Variants in APOL6 observed in about 807,000 individuals in gnomAD.
APOL6 encodes apolipoprotein L6.
APOL6 carries 1 observed loss-of-function variant against 2.4 expected under a neutral mutation model. The ratio of observed to expected loss-of-function variants is 0.41; its 90% CI spans 0.15 to 1.94. The LOEUF (loss-of-function observed/expected upper bound fraction) is 1.94, where lower values mean the gene tolerates loss of function less well. Among genes scored for constraint, APOL6 ranks in the 30% most tolerant of loss-of-function variants. APOL6 has a pLI of 0.30. For missense variants in APOL6, 438 were observed against 429.2 expected (o/e 1.02, Z -0.18); for synonymous variants, 189 against 169.3 (o/e 1.12, Z -0.90).
rs1440959990 is a variant in APOL6 at position 35,662,941 on chromosome 22, C to T, written c.*3345C>T. 2.6e-5 allele frequency: 4 copies of T among 152,106 alleles called. No homozygotes were observed. The highest frequency in any genetic ancestry group is 9.7e-5 in the African/African-American group (4 of 41,412). The allele number at this position is 152,106 out of a possible 1,614,324, so 9.4% of individuals were successfully genotyped here. A position where few individuals can be genotyped will look rare whatever the true frequency, so the allele number is the denominator to read the frequency against. On this transcript the variant is annotated 3_prime_UTR_variant, in exon 3 of 3. Transcript: ENST00000409652. ...CGGAAGTTTATTTTGCTGTACAACA[C>T]CTCTTTTTTTGGAGTTTTACTTGCT...
intron 2 of APOL6, among the ~76,000 whole-genome samples, chr22:35,656,942 C>T (rs936718908): frequency 2.6e-5 from 4 of 152,232 alleles, no homozygotes; most frequent in South Asian, 2.1e-4. Flanking sequence ...GTGAATTAGA[C>T]GAACTCTATG....
At position 35,659,320 on chromosome 22, in the gene APOL6, C is replaced by G; in HGVS notation, c.756C>G (p.Leu252=). The change falls in exon 3 of 3, where the codon CTC becomes CTG. Residue 252 remains leucine (L), a synonymous_variant. Coordinates refer to ENST00000409652, the MANE Select transcript of APOL6 (RefSeq NM_030641.4). ...AFSLGYDLAT[L]SKEWKHLKEG... ...CCCTTGGCTATGACTTGGCCACTCT[C>G]TCAAAGGAATGGAAGCACCTGAAGG... 6.2e-7 allele frequency: 1 copy of G among 1,614,070 alleles called. No individual in the cohort carries two copies. The highest frequency in any genetic ancestry group is 8.5e-7 in the Non-Finnish European group (1 of 1,179,966).
chr22:35,658,831 A>C lies in APOL6; in HGVS notation c.267A>C (p.Gly89=). Residue 89 remains glycine, a synonymous_variant, in exon 3 of 3, where the codon GGA becomes GGC. Coordinates refer to ENST00000409652, the MANE Select transcript of APOL6 (RefSeq NM_030641.4). The stretch of plus-strand genomic sequence containing the variant: ...CCACCTCTACTGCTGTCATCTCTGG[A>C]GTGATGAGCCTCCTGGGTTTAGCCC... ...MVATSTAVIS[G]VMSLLGLALA... 1 of 1,614,170 alleles carries C rather than the reference A, an allele frequency of 6.2e-7. No individual in the cohort carries two copies. Among genetic ancestry groups the C allele is most frequent in the Non-Finnish European group, 8.5e-7 (1 of 1,180,022 alleles).
In APOL6 at chr22:35,668,169, C is replaced by T. The variant is rs193253889; in HGVS notation, c.*8573C>T. The T allele has an allele frequency of 6.6e-6, 1 of 152,212 alleles. No individual in the cohort carries two copies. Among genetic ancestry groups the T allele is most frequent in the Non-Finnish European group, 1.5e-5 (1 of 68,040 alleles). The allele number at this position is 152,212 out of a possible 1,614,324, so 9.4% of individuals were successfully genotyped here. ...ATTACTCTTTCAACCAATTGCCAAT[C>T]AGAAAATTGTTATATCTACCTATAA... On this transcript the variant is annotated 3_prime_UTR_variant, in exon 3 of 3. Coordinates refer to ENST00000409652, the MANE Select transcript of APOL6 (RefSeq NM_030641.4).
rs1330615278 is a variant in APOL6 at position 35,667,990 on chromosome 22, A to G, written c.*8394A>G. ...GTGGGAGTCGAACATGCCTCATCATACCCTCCAGCATTAACATCAACACAG... is the reference window on the plus strand; with the variant it reads ...GTGGGAGTCGAACATGCCTCATCATGCCCTCCAGCATTAACATCAACACAG... On this transcript the variant is annotated 3_prime_UTR_variant, in exon 3 of 3. Coordinates refer to ENST00000409652, the MANE Select transcript of APOL6 (RefSeq NM_030641.4). 3 of 152,126 alleles carry G rather than the reference A, an allele frequency of 2.0e-5. No homozygotes were observed. Among genetic ancestry groups the G allele is most frequent in the African/African-American group, 7.2e-5 (3 of 41,416 alleles). 9.4% of individuals were successfully genotyped at this position (152,126 alleles called of 1,614,324 possible).
chr22:35,659,626 C>A lies in APOL6; in HGVS notation c.*30C>A. 1 of 1,546,402 alleles carries A rather than the reference C, an allele frequency of 6.5e-7. No individual in the cohort carries two copies. Among genetic ancestry groups the A allele is most frequent in the Non-Finnish European group, 8.7e-7 (1 of 1,144,712 alleles). ...TCCTCAGGACATGGCATACAATGGC[C>A]TTGGAGGTCCAAATAATATCAAGTA... On this transcript the variant is annotated 3_prime_UTR_variant, in exon 3 of 3. Transcript: ENST00000409652.
Position 35,662,012 on chromosome 22 carries a change from A to G in APOL6, c.*2416A>G, listed in dbSNP as rs1428573450. 2.6e-5 allele frequency: 4 copies of G among 152,200 alleles called. No individual in the cohort carries two copies. The highest frequency in any genetic ancestry group is 5.9e-5 in the Non-Finnish European group (4 of 68,034). 9.4% of individuals were successfully genotyped at this position (152,200 alleles called of 1,614,324 possible). Reference sequence around the variant, plus strand: ...CTATCTAGGTGTGCTGTCTTGAGCAACTTTTAATTATTCTCCTGTCCTGCA... The same window carrying G: ...CTATCTAGGTGTGCTGTCTTGAGCAGCTTTTAATTATTCTCCTGTCCTGCA... On this transcript the variant is annotated 3_prime_UTR_variant, in exon 3 of 3. Transcript: ENST00000409652.
At position 35,659,146 on chromosome 22, in the gene APOL6, C is replaced by T. The variant is rs1232089550; in HGVS notation, c.582C>T (p.Asn194=). 2 of 1,614,056 alleles carry T rather than the reference C, an allele frequency of 1.2e-6. No homozygotes were observed. Among genetic ancestry groups the T allele is most frequent in the Non-Finnish European group, 1.7e-6 (2 of 1,180,038 alleles). The change falls in exon 3 of 3, where the codon AAC becomes AAT. Residue 194 remains asparagine, a synonymous_variant. Transcript: ENST00000409652. ...NVRAFWKLRA[N]PRLANATKRL... Reference sequence around the variant, plus strand: ...GTGCATTTTGGAAACTCAGAGCCAACCCACGCTTGGCCAATGCTACCAAGC... The same window carrying T: ...GTGCATTTTGGAAACTCAGAGCCAATCCACGCTTGGCCAATGCTACCAAGC...
chr22:35,662,219 T>A lies in APOL6; in HGVS notation c.*2623T>A, dbSNP rs1925047471. ...TCAGAGATAGACCTTTGTTCTCTTA[T>A]TTCTGAGGCCCTTCAGTCTCCTTTA... On this transcript the variant is annotated 3_prime_UTR_variant, in exon 3 of 3. Coordinates refer to ENST00000409652, the MANE Select transcript of APOL6 (RefSeq NM_030641.4). The A allele has an allele frequency of 2.0e-5, 3 of 152,180 alleles. No homozygotes were observed. The highest frequency in any genetic ancestry group is 4.4e-5 in the Non-Finnish European group (3 of 68,038). The allele number at this position is 152,180 out of a possible 1,614,324, so 9.4% of individuals were successfully genotyped here.
chr22:35,658,978 C>G lies in APOL6; in HGVS notation c.414C>G (p.Ala138=), dbSNP rs1184138098. ...GTLERSKNKE[A]QARAEDILPT... ...TGGAACGCTCCAAAAATAAAGAAGC[C>G]CAAGCACGGGCGGAAGACATACTGC... The change falls in exon 3 of 3, where the codon GCC becomes GCG. Residue 138 remains alanine (A), a synonymous_variant. Coordinates refer to ENST00000409652, the MANE Select transcript of APOL6 (RefSeq NM_030641.4). 1.9e-6 allele frequency: 3 copies of G among 1,613,860 alleles called. No homozygotes were observed. Among genetic ancestry groups the G allele is most frequent in the Non-Finnish European group, 2.5e-6 (3 of 1,180,026 alleles).
At chr22:35,655,369 C>T (rs1187626309) in intron 1 of APOL6, among the ~76,000 whole-genome samples, 1 of 152,062 alleles carries the variant, frequency 6.6e-6, no homozygotes, top group African/African-American at 2.4e-5. Context: ...AGGAGATTTC[C>T]TTGTACTTCC....
rs1247006989 is a variant in APOL6 at position 35,665,087 on chromosome 22, G to T, written c.*5491G>T. On this transcript the variant is annotated 3_prime_UTR_variant, in exon 3 of 3. Coordinates refer to ENST00000409652, the MANE Select transcript of APOL6 (RefSeq NM_030641.4). ...TGTCATGAACATTGGTGTAAGTCAT[G>T]ATAAGATTTTATATATATATATACA... 6.6e-6 allele frequency: 1 copy of T among 150,880 alleles called. No homozygotes were observed. Among genetic ancestry groups the T allele is most frequent in the African/African-American group, 2.5e-5 (1 of 40,800 alleles). 9.3% of individuals were successfully genotyped at this position (150,880 alleles called of 1,614,324 possible).
At chr22:35,653,939 T>A (rs1464092902) in intron 1 of APOL6, among the ~76,000 whole-genome samples, 3 of 152,208 alleles carry the variant, frequency 2.0e-5, no homozygotes, top group Admixed American at 6.5e-5. Context: ...TGGTGACACA[T>A]GGAAGGTTTC....
At chr22:35,650,051 A>C (rs1392102029) in intron 1 of APOL6, among the ~76,000 whole-genome samples, 1 of 152,164 alleles carries the variant, frequency 6.6e-6, no homozygotes, top group African/African-American at 2.4e-5. Flanking sequence ...TTTCCTGCTT[A>C]CTGTGTGACA....
Position 35,659,556 on chromosome 22 carries a change from G to T in APOL6, c.992G>T (p.Cys331Phe). The change falls in exon 3 of 3, where the codon TGT becomes TTT. Residue 331 changes from cysteine (C) to phenylalanine (F), a missense_variant. Coordinates refer to ENST00000409652, the MANE Select transcript of APOL6 (RefSeq NM_030641.4). Reference protein sequence around the residue: ...REHVWMWLWLCVCLCVCVYVQ... With the variant: ...REHVWMWLWLFVCLCVCVYVQ... ...CATGTGTGGATGTGGCTGTGGCTGT[G>T]TGTGTGTCTGTGTGTCTGTGTGTAT... The T allele has an allele frequency of 6.2e-7, 1 of 1,613,446 alleles. No individual in the cohort carries two copies. Among genetic ancestry groups the T allele is most frequent in the Non-Finnish European group, 8.5e-7 (1 of 1,179,732 alleles).
Position 35,659,706 on chromosome 22 carries a change from C to A in APOL6, c.*110C>A. On this transcript the variant is annotated 3_prime_UTR_variant, in exon 3 of 3. Coordinates refer to ENST00000409652, the MANE Select transcript of APOL6 (RefSeq NM_030641.4). ...ACAGACCTCGGCATGCCTTCTGTTT[C>A]TCCTTCAATGCTCCTTAAGGCCTAT... 7.1e-7 allele frequency: 1 copy of A among 1,412,410 alleles called. No individual in the cohort carries two copies. The highest frequency in any genetic ancestry group is 9.4e-7 in the Non-Finnish European group (1 of 1,067,654). The allele number at this position is 1,412,410 out of a possible 1,614,324, so 87.5% of individuals were successfully genotyped here.
chr22:35,655,450 A>ATAT (rs1184604770), intron 1 of APOL6, among the ~76,000 whole-genome samples: 1 of 152,156 alleles, frequency 6.6e-6, no homozygotes, highest in African/African-American at 2.4e-5. Context: ...ATTCATTTGC[A>ATAT]TATTATTGAG....
rs1925085169 is a variant in APOL6 at position 35,663,399 on chromosome 22, G to A, written c.*3803G>A. The A allele has an allele frequency of 6.6e-6, 1 of 151,790 alleles. No individual in the cohort carries two copies. The highest frequency in any genetic ancestry group is 1.5e-5 in the Non-Finnish European group (1 of 67,966). The allele number at this position is 151,790 out of a possible 1,614,324, so 9.4% of individuals were successfully genotyped here. A position where few individuals can be genotyped will look rare whatever the true frequency, so the allele number is the denominator to read the frequency against. On this transcript the variant is annotated 3_prime_UTR_variant, in exon 3 of 3. Transcript: ENST00000409652. ...TCAGTGGTTGAAAGTCTGCTTAACT[G>A]AAACAGTAACATCCATGATGTGTGT...
At chr22:35,650,476 G>A (rs1444349986) in intron 1 of APOL6, among the ~76,000 whole-genome samples, 2 of 152,198 alleles carry the variant, frequency 1.3e-5, no homozygotes, top group African/African-American at 4.8e-5. Context: ...TACAATGTTA[G>A]GTGACAAGAA....
Sources: gnomAD v4.1 joint callset for allele counts (sites outside exome capture counted in the v4.1 genomes callset) on GRCh38, gnomAD v4.1.1 for gene constraint, MANE v1.5 for transcripts, NCBI Gene and HGNC (gene_info 2026-07-23, HGNC 2026-07-21) for gene names.